EXOC4: variants seen among roughly 807,000 people sequenced by gnomAD.
EXOC4 encodes the protein exocyst complex component 4.
A neutral mutation model predicts 107.2 loss-of-function variants in EXOC4; 71 were observed. The ratio of observed to expected loss-of-function variants is 0.66; its 90% confidence interval spans 0.55 to 0.81. The LOEUF is 0.81. Among genes scored for constraint, EXOC4 ranks in the 30% least tolerant of loss-of-function variants. The probability of loss-of-function intolerance (pLI) is 0.00; values close to 1 mark genes in which losing one functional copy is unlikely to be tolerated. For synonymous variants in EXOC4, 456 were observed against 441.2 expected (o/e 1.03, Z -0.42); for missense variants, 1,108 against 1,189.6 (o/e 0.93, Z 1.01).
intron 4 of EXOC4, among the ~76,000 whole-genome samples, chr7:133,307,640 C>T (rs1450299290): frequency 6.6e-6 from 1 of 152,202 alleles, no homozygotes; most frequent in South Asian, 2.1e-4. Context: ...TCAGAATAAT[C>T]ACTCATTTCC....
chr7:133,254,954 C>CT (rs1311975951), intron 1 of EXOC4, among the ~76,000 whole-genome samples: 2 of 152,044 alleles, frequency 1.3e-5, no homozygotes, highest in African/African-American at 2.4e-5. Flanking sequence ...CAACCTAAAG[C>CT]TTTTTTTACT....
intron 9 of EXOC4, among the ~76,000 whole-genome samples, chr7:133,499,561 T>C (rs1374598130): frequency 6.6e-6 from 1 of 152,166 alleles, no homozygotes; most frequent in Non-Finnish European, 1.5e-5. Flanking sequence ...TATATAATTA[T>C]TTTGTTTTCA....
At chr7:133,369,208 G>A (rs1417306880) in intron 6 of EXOC4, among the ~76,000 whole-genome samples, 2 of 152,180 alleles carry the variant, frequency 1.3e-5, no homozygotes, top group Non-Finnish European at 2.9e-5. Context: ...GGACAAGCTA[G>A]TGCAGATTTA....
intron 10 of EXOC4, among the ~76,000 whole-genome samples, chr7:133,798,050 T>C (rs1204742340): frequency 6.6e-6 from 1 of 152,148 alleles, no homozygotes; most frequent in Non-Finnish European, 1.5e-5. Context: ...GTTGTGTAAC[T>C]GTCTGGAGGA....
At chr7:133,900,053 C>T (rs1799417791) in intron 12 of EXOC4, among the ~76,000 whole-genome samples, 2 of 152,194 alleles carry the variant, frequency 1.3e-5, no homozygotes, top group Admixed American at 6.5e-5. Context: ...GCAGCACCAT[C>T]ACTTTCCTTG....
At chr7:133,638,703 TCC>T (rs1563135922) in intron 10 of EXOC4, among the ~76,000 whole-genome samples, 3 of 152,166 alleles carry the variant, frequency 2.0e-5, no homozygotes, top group Non-Finnish European at 4.4e-5. Flanking sequence ...ACTTAACTCT[TCC>T]AGTGACTGTT....
chr7:133,609,716 A>G, intron 9 of EXOC4, among the ~76,000 whole-genome samples: 1 of 152,240 alleles, frequency 6.6e-6, no homozygotes, highest in Non-Finnish European at 1.5e-5. Flanking sequence ...GAATAGTGAT[A>G]GACACGGTGG....
chr7:133,644,003 C>T (rs1389234610), intron 10 of EXOC4, among the ~76,000 whole-genome samples: 1 of 152,160 alleles, frequency 6.6e-6, no homozygotes, highest in African/African-American at 2.4e-5. Flanking sequence ...GTCAGTAATG[C>T]GGTAGGCTTC....
intron 17 of EXOC4, among the ~76,000 whole-genome samples, chr7:134,057,588 CTAATT>C (rs1046913911): frequency 6.6e-6 from 1 of 152,108 alleles, no homozygotes; most frequent in African/African-American, 2.4e-5. Context: ...TTTTAATAAA[CTAATT>C]TATTCTTCTG....
intron 1 of EXOC4, among the ~76,000 whole-genome samples, chr7:133,262,730 T>G (rs1795181818): frequency 6.6e-6 from 1 of 152,192 alleles, no homozygotes; most frequent in South Asian, 2.1e-4. Flanking sequence ...TCCCAGGTGA[T>G]TTGAAAGCAC....
At chr7:133,823,921 A>G (rs1302640429) in intron 11 of EXOC4, among the ~76,000 whole-genome samples, 2 of 77,170 alleles carry the variant, frequency 2.6e-5, no homozygotes, top group African/African-American at 6.0e-5. Context: ...AAATATATAT[A>G]TAAATTATAT....
chr7:134,085,331 A>C, the EXOC4 span, among the ~76,000 whole-genome samples: 4 of 96,774 alleles, frequency 4.1e-5, no homozygotes, highest in Non-Finnish European at 8.9e-5. Flanking sequence ...AACAAAAACA[A>C]CAAAAAAAAA....
intron 9 of EXOC4, among the ~76,000 whole-genome samples, chr7:133,517,180 G>A (rs999863710): frequency 6.6e-6 from 1 of 152,044 alleles, no homozygotes; most frequent in Non-Finnish European, 1.5e-5. Flanking sequence ...AAACTGCATG[G>A]GAGGGAGTGT....
At chr7:133,889,569 C>T (rs1403721653) in intron 11 of EXOC4, among the ~76,000 whole-genome samples, 4 of 109,230 alleles carry the variant, frequency 3.7e-5, no homozygotes, top group African/African-American at 1.4e-4. Context: ...CTATCCCTCC[C>T]CCCTCCCCCC....
intron 11 of EXOC4, among the ~76,000 whole-genome samples, chr7:133,831,510 C>T (rs1797810619): frequency 6.6e-6 from 1 of 151,546 alleles, no homozygotes; most frequent in African/African-American, 2.4e-5. Context: ...CTTTGGACAT[C>T]AGTAACTTCT....
intron 9 of EXOC4, among the ~76,000 whole-genome samples, chr7:133,553,978 A>G (rs957553261): frequency 1.3e-5 from 2 of 152,268 alleles, no homozygotes; most frequent in Admixed American, 6.5e-5. Flanking sequence ...AATTTTTAAT[A>G]CATCATATAA....
At chr7:133,920,508 T>C (rs78693184) in intron 13 of EXOC4, among the ~76,000 whole-genome samples, 2,366 of 152,304 alleles carry the variant, frequency 0.016, 60 homozygotes, top group African/African-American at 0.054. Context: ...TATACATTTA[T>C]AACTAATCCA....
chr7:133,761,943 T>G (rs1279999755), intron 10 of EXOC4, among the ~76,000 whole-genome samples: 1 of 152,136 alleles, frequency 6.6e-6, no homozygotes, highest in African/African-American at 2.4e-5. Context: ...CAAGAAGAAA[T>G]GAGAAGATGG....
intron 2 of EXOC4, among the ~76,000 whole-genome samples, chr7:133,280,600 G>C (rs945257817): frequency 6.6e-6 from 1 of 152,118 alleles, no homozygotes; most frequent in African/African-American, 2.4e-5. Flanking sequence ...CCACCCTATT[G>C]GTGCTAGATC....
Sources: gnomAD v4.1 joint callset for allele counts (sites outside exome capture counted in the v4.1 genomes callset) on GRCh38, gnomAD v4.1.1 for gene constraint, MANE v1.5 for transcripts, NCBI Gene and HGNC (gene_info 2026-07-23, HGNC 2026-07-21) for gene names.